The following CAP2 variants were observed in gnomAD, a reference collection of about 807,000 sequenced individuals.
The protein encoded by CAP2 is adenylyl cyclase-associated protein 2.
Under a neutral mutation model 57.7 loss-of-function variants are expected in CAP2, and 24 were observed. The observed-to-expected ratio is 0.42, with a 90% CI of 0.30 to 0.58. The LOEUF is 0.58. Ranked by LOEUF, CAP2 falls within the 20% of genes least tolerant of loss-of-function variation. The pLI is 0.22. For missense variants in CAP2, 501 were observed against 590.3 expected (o/e 0.85, Z 1.57); for synonymous variants, 194 against 207.2 (o/e 0.94, Z 0.55).
Position 17,476,936 on chromosome 6 carries a change from A to G in CAP2, c.300+13863A>G, listed in dbSNP as rs182372887. ...GCCCAGGCTGGAGTGCAGTGGCGCAATCTCGGCTCACTGCAACCTCTGCCT... is the reference window on the plus strand; with the variant it reads ...GCCCAGGCTGGAGTGCAGTGGCGCAGTCTCGGCTCACTGCAACCTCTGCCT... On this transcript the variant is annotated intron_variant, in intron 4 of 12. Coordinates refer to ENST00000229922, the MANE Select transcript of CAP2 (RefSeq NM_006366.3). Among the ~76,000 whole-genome samples, 7 of 137,016 alleles carry G rather than the reference A, an allele frequency of 5.1e-5. No homozygotes were observed. In the East Asian group the frequency reaches 8.6e-4, roughly 17 times the overall value. 89.9% of individuals were successfully genotyped at this position (137,016 alleles called of 152,430 possible).
At chr6:17,527,740 T>C (rs1237903589) in intron 7 of CAP2, among the ~76,000 whole-genome samples, 1 of 151,932 alleles carries the variant, frequency 6.6e-6, no homozygotes, top group Non-Finnish European at 1.5e-5. Flanking sequence ...GGATTACAGG[T>C]TGTGCCACCA....
intron 8 of CAP2, among the ~76,000 whole-genome samples, chr6:17,540,559 G>A (rs1477006392): frequency 4.0e-5 from 6 of 151,766 alleles, no homozygotes; most frequent in East Asian, 1.9e-4. Flanking sequence ...AAAGACCAGC[G>A]TGGCCAACAT....
In CAP2 at chr6:17,557,253, A is replaced by G. The variant is rs1222008510; in HGVS notation, c.*811A>G. 1 of 152,228 alleles carries G rather than the reference A, an allele frequency of 6.6e-6. No individual in the cohort carries two copies. The highest frequency in any genetic ancestry group is 2.4e-5 in the African/African-American group (1 of 41,452). The allele number at this position is 152,228 out of a possible 1,614,324, so 9.4% of individuals were successfully genotyped here. ...TTTTCCAAGTTTGAACATGTTAAAT[A>G]TCAGATGCCTTGTAAATTATGTCTT... On this transcript the variant is annotated 3_prime_UTR_variant, in exon 13 of 13. Transcript: ENST00000229922.
chr6:17,533,963 A>G (rs528501091), intron 7 of CAP2, among the ~76,000 whole-genome samples: 3 of 152,284 alleles, frequency 2.0e-5, no homozygotes, highest in South Asian at 2.1e-4. Flanking sequence ...TAAGTGACTC[A>G]TTTCATCAAC....
At chr6:17,416,571 G>C (rs1759280959) in intron 1 of CAP2, among the ~76,000 whole-genome samples, 1 of 152,162 alleles carries the variant, frequency 6.6e-6, no homozygotes, top group Admixed American at 6.5e-5. Context: ...CAAGCAAAAA[G>C]TAAACCCGTG....
chr6:17,551,936 AGAAATAAATACTTAGGG>A (rs1763180898), intron 12 of CAP2, among the ~76,000 whole-genome samples: 1 of 152,244 alleles, frequency 6.6e-6, no homozygotes, highest in African/African-American at 2.4e-5. Context: ...GGAAAGAAGG[AGAAATAAATACTTAGGG>A]GAAAAAATGT....
intron 3 of CAP2, among the ~76,000 whole-genome samples, chr6:17,444,802 CT>C (rs1410203313): frequency 1.2e-5 from 1 of 85,874 alleles, no homozygotes; most frequent in Non-Finnish European, 2.4e-5. Context: ...GTTTCTCTCT[CT>C]CCACACACAC....
chr6:17,403,104 A>T (rs1758858229), intron 1 of CAP2, among the ~76,000 whole-genome samples: 1 of 152,030 alleles, frequency 6.6e-6, no homozygotes, highest in Non-Finnish European at 1.5e-5. Context: ...TTATTTTATT[A>T]TTATTATTTT....
At chr6:17,442,560 T>A (rs1760116231) in intron 3 of CAP2, among the ~76,000 whole-genome samples, 1 of 152,142 alleles carries the variant, frequency 6.6e-6, no homozygotes, top group Admixed American at 6.5e-5. Context: ...TGGAAATGCA[T>A]GGCATGTATC....
At chr6:17,459,683 AAG>A (rs1212749605) in intron 3 of CAP2, among the ~76,000 whole-genome samples, 2 of 152,234 alleles carry the variant, frequency 1.3e-5, no homozygotes. Flanking sequence ...AGGAAATTTA[AAG>A]TCTGACAAAT....
chr6:17,418,263 C>T (rs1047293760), intron 1 of CAP2, among the ~76,000 whole-genome samples: 8 of 152,162 alleles, frequency 5.3e-5, no homozygotes, highest in Non-Finnish European at 7.4e-5. Context: ...TTTATTTATT[C>T]TTCAGTTTAT....
At chr6:17,424,355 G>C (rs1462760664) in intron 2 of CAP2, among the ~76,000 whole-genome samples, 3 of 152,104 alleles carry the variant, frequency 2.0e-5, no homozygotes, top group Middle Eastern at 3.2e-3. Flanking sequence ...AGCCGAGATC[G>C]CGCCACTGCA....
chr6:17,538,132 C>T (rs1217869864), intron 7 of CAP2, among the ~76,000 whole-genome samples: 2 of 151,744 alleles, frequency 1.3e-5, no homozygotes, highest in Non-Finnish European at 2.9e-5. Flanking sequence ...TCTATCCTAC[C>T]AGTTTTAAGT....
intron 4 of CAP2, among the ~76,000 whole-genome samples, chr6:17,500,340 A>AATAT (rs4052821): frequency 0.077 from 2,528 of 32,848 alleles, 226 homozygotes; most frequent in Non-Finnish European, 0.1. Context: ...TGTGTGTCCA[A>AATAT]ATATATATAT....
intron 7 of CAP2, among the ~76,000 whole-genome samples, chr6:17,515,913 C>T (rs1463787086): frequency 6.6e-6 from 1 of 152,190 alleles, no homozygotes; most frequent in Non-Finnish European, 1.5e-5. Context: ...CCAGCAACCC[C>T]TCACTCCTTG....
intron 4 of CAP2, among the ~76,000 whole-genome samples, chr6:17,483,817 C>T (rs983216437): frequency 4.6e-5 from 7 of 152,054 alleles, no homozygotes; most frequent in African/African-American, 1.2e-4. Flanking sequence ...GTTGTTTTCA[C>T]ACCAGGAGCC....
In CAP2 at chr6:17,541,499, G is replaced by C. The variant is rs1361030961; in HGVS notation, c.1002+351G>C. On this transcript the variant is annotated intron_variant, in intron 9 of 12. Coordinates refer to ENST00000229922, the MANE Select transcript of CAP2 (RefSeq NM_006366.3). ...AGAGGCTGAGACAGGAGAATCACTT[G>C]AACCCGAGAGGTGGAGGTTGCAGCG... Among the ~76,000 whole-genome samples the C allele has an allele frequency of 4.6e-5, 7 of 152,058 alleles. No individual in the cohort carries two copies. In the South Asian group the frequency reaches 1.2e-3, roughly 27 times the overall value.
intron 7 of CAP2, among the ~76,000 whole-genome samples, chr6:17,532,134 CTTTTTTT>C (rs35428314): frequency 1.0e-4 from 9 of 86,022 alleles, no homozygotes; most frequent in East Asian, 3.4e-4. Flanking sequence ...GTTTGAAAAT[CTTTTTTT>C]TTTTTTTTTT....
At chr6:17,417,107 A>G (rs1759298844) in intron 1 of CAP2, among the ~76,000 whole-genome samples, 2 of 151,334 alleles carry the variant, frequency 1.3e-5, no homozygotes, top group South Asian at 4.2e-4. Context: ...AAAACAAAAA[A>G]CAAACAACCT....
Sources: allele counts gnomAD v4.1 joint callset (sites outside exome capture counted in the v4.1 genomes callset), GRCh38; gene constraint gnomAD v4.1.1; transcripts MANE v1.5; gene names NCBI Gene and HGNC (gene_info 2026-07-23, HGNC 2026-07-21).